Variants in MIPEP observed in about 807,000 individuals in gnomAD.
The protein encoded by MIPEP is mitochondrial intermediate peptidase.
Under a neutral mutation model 90.3 loss-of-function variants are expected in MIPEP, and 79 were observed. The observed-to-expected ratio is 0.87, with a 90% CI of 0.73 to 1.05. The LOEUF is 1.05. MIPEP is among the 50% of genes least tolerant of loss of function. The pLI is 0.00. For synonymous variants in MIPEP, 334 were observed against 315.8 expected, an observed-to-expected ratio of 1.06 and a Z score of -0.61; for missense variants, 940 against 905.6, an observed-to-expected ratio of 1.04 and a Z score of -0.49.
chr13:23,777,820 T>C (rs2137356279), intron 16 of MIPEP, among the ~76,000 whole-genome samples: 1 of 152,316 alleles, frequency 6.6e-6, no homozygotes, highest in South Asian at 2.1e-4. Flanking sequence ...ACTGTGCTTC[T>C]CTAAACTAAC....
chr13:23,831,619 G>A (rs1868770072), intron 14 of MIPEP, among the ~76,000 whole-genome samples: 1 of 152,090 alleles, frequency 6.6e-6, no homozygotes, highest in African/African-American at 2.4e-5. Context: ...CAAAATACAA[G>A]AGGCAACCTC....
At chr13:23,763,735 C>T (rs1952569317) in intron 16 of MIPEP, among the ~76,000 whole-genome samples, 1 of 152,204 alleles carries the variant, frequency 6.6e-6, no homozygotes, top group African/African-American at 2.4e-5. Context: ...TCCTGATCCC[C>T]CTGCCTGAAT....
intron 18 of MIPEP, chr13:23,747,677 G>A (rs1171212600): frequency 2.5e-6 from 1 of 392,660 alleles, no homozygotes; most frequent in Non-Finnish European, 5.0e-6. Context: ...AAATATTCAT[G>A]TGATAAAAAA....
At chr13:23,768,652 C>T (rs1429184842) in intron 16 of MIPEP, among the ~76,000 whole-genome samples, 2 of 152,130 alleles carry the variant, frequency 1.3e-5, no homozygotes, top group East Asian at 1.9e-4. Context: ...AGAAGGATCA[C>T]CTGAGCCTGG....
intron 16 of MIPEP, among the ~76,000 whole-genome samples, chr13:23,763,137 A>G (rs1952565075): frequency 6.6e-6 from 1 of 152,252 alleles, no homozygotes; most frequent in Admixed American, 6.5e-5. Flanking sequence ...TTTACAACAT[A>G]TACACAGTCC....
intron 14 of MIPEP, among the ~76,000 whole-genome samples, chr13:23,825,754 G>A (rs535520556): frequency 5.3e-5 from 8 of 152,108 alleles, no homozygotes; most frequent in Non-Finnish European, 1.0e-4. Flanking sequence ...TACCTACCCT[G>A]GCTGAGTCTA....
chr13:23,788,751 T>C (rs1482588709), intron 16 of MIPEP, among the ~76,000 whole-genome samples: 1 of 152,252 alleles, frequency 6.6e-6, no homozygotes, highest in African/African-American at 2.4e-5. Context: ...TGATGATCAG[T>C]TCACCAAGCT....
At chr13:23,786,228 A>T (rs930749713) in intron 16 of MIPEP, among the ~76,000 whole-genome samples, 3 of 152,192 alleles carry the variant, frequency 2.0e-5, no homozygotes, top group African/African-American at 4.8e-5. Flanking sequence ...ACCGTATCTT[A>T]AAAAAGACAA....
chr13:23,871,305 T>C (rs373183931), intron 5 of MIPEP, among the ~76,000 whole-genome samples: 65 of 152,354 alleles, frequency 4.3e-4, no homozygotes, highest in African/African-American at 1.5e-3. Flanking sequence ...GGGGTTGCCA[T>C]AAATGCTCTA....
chr13:23,834,168 TGCCTCTCCAGGAA>T (rs1479954204), intron 14 of MIPEP, among the ~76,000 whole-genome samples: 1 of 152,168 alleles, frequency 6.6e-6, no homozygotes, highest in Non-Finnish European at 1.5e-5. Context: ...AGCCGGAGCC[TGCCTCTCCAGGAA>T]GCCTCTCAGG....
At chr13:23,783,248 C>T (rs1488741348) in intron 16 of MIPEP, among the ~76,000 whole-genome samples, 1 of 152,198 alleles carries the variant, frequency 6.6e-6, no homozygotes, top group Non-Finnish European at 1.5e-5. Flanking sequence ...AAAAGCTTAT[C>T]CACCATGATC....
intron 18 of MIPEP, among the ~76,000 whole-genome samples, chr13:23,751,397 A>G (rs1448203938): frequency 2.0e-5 from 3 of 152,260 alleles, no homozygotes; most frequent in Non-Finnish European, 2.9e-5. Context: ...CTGATGCGAA[A>G]AAACAAACAA....
At chr13:23,829,858 C>A (rs1043527001) in intron 14 of MIPEP, among the ~76,000 whole-genome samples, 4 of 152,058 alleles carry the variant, frequency 2.6e-5, no homozygotes, top group Non-Finnish European at 4.4e-5. Context: ...TAATTAAGAC[C>A]TTAAAAGTAA....
At chr13:23,831,211 A>G (rs2137444298) in intron 14 of MIPEP, among the ~76,000 whole-genome samples, 1 of 152,210 alleles carries the variant, frequency 6.6e-6, no homozygotes, top group Middle Eastern at 3.4e-3. Context: ...ACTTTTGCTC[A>G]TTTTCAGAAA....
intron 16 of MIPEP, among the ~76,000 whole-genome samples, chr13:23,785,427 G>T (rs1349503612): frequency 6.7e-6 from 1 of 149,760 alleles, no homozygotes; most frequent in Non-Finnish European, 1.5e-5. Context: ...CTCACAGGTG[G>T]GAACTGAACA....
At chr13:23,738,846 T>C (rs1952293050) in intron 18 of MIPEP, among the ~76,000 whole-genome samples, 2 of 152,266 alleles carry the variant, frequency 1.3e-5, no homozygotes. Flanking sequence ...TGTGAATTCT[T>C]AATCCCCCAT....
At chr13:23,736,175 C>T (rs1952261709) in intron 18 of MIPEP, among the ~76,000 whole-genome samples, 1 of 152,118 alleles carries the variant, frequency 6.6e-6, no homozygotes, top group African/African-American at 2.4e-5. Context: ...CTGGAAATCA[C>T]CTAAATTAGA....
At chr13:23,791,297 A>G (rs763458423) in intron 16 of MIPEP, among the ~76,000 whole-genome samples, 2 of 152,136 alleles carry the variant, frequency 1.3e-5, no homozygotes, top group Non-Finnish European at 2.9e-5. Flanking sequence ...CTCTTTTCAA[A>G]CCAGTGGCAC....
chr13:23,860,892 A>G (rs1870272802), intron 9 of MIPEP, among the ~76,000 whole-genome samples: 1 of 152,086 alleles, frequency 6.6e-6, no homozygotes, highest in Middle Eastern at 3.2e-3. Flanking sequence ...GAGAAGACAC[A>G]AGAGTTCACA....
Sources: allele counts gnomAD v4.1 joint callset (sites outside exome capture counted in the v4.1 genomes callset), GRCh38; gene constraint gnomAD v4.1.1; transcripts MANE v1.5; gene names NCBI Gene and HGNC (gene_info 2026-07-23, HGNC 2026-07-21).